Variants in LMBR1L observed in about 807,000 individuals in gnomAD.
The protein encoded by LMBR1L is limb development membrane protein 1 like.
In LMBR1L, 47 loss-of-function variants were observed where a neutral mutation model predicts 67.3. The observed-to-expected ratio is 0.70, with a 90% CI of 0.55 to 0.89. The LOEUF (loss-of-function observed/expected upper bound fraction) is 0.89, where lower values mean the gene tolerates loss of function less well. LMBR1L is among the 40% of genes least tolerant of loss of function. The pLI is 0.00. For missense variants in LMBR1L, 533 were observed against 599.2 expected (o/e 0.89, Z 1.15); for synonymous variants, 247 against 250.3 (o/e 0.99, Z 0.13).
At chr12:49,104,982 G>C (rs1229485320) in intron 3 of LMBR1L, 97 bp from the exon 4 acceptor site, 2 of 1,340,076 alleles carry the variant, frequency 1.5e-6, no homozygotes, top group Non-Finnish European at 2.1e-6. Context: ...GTGGCTTCCA[G>C]AACCAGCTGT....
At chr12:49,108,484 C>T (rs534986428) in intron 1 of LMBR1L, among the ~76,000 whole-genome samples, 21 of 149,136 alleles carry the variant, frequency 1.4e-4, no homozygotes, top group African/African-American at 5.2e-4. Flanking sequence ...ATTGCTTGAA[C>T]CCGGGAGGCG....
intron 15 of LMBR1L, among the ~76,000 whole-genome samples, chr12:49,099,410 A>G (rs913146434): frequency 2.0e-5 from 3 of 152,056 alleles, no homozygotes; most frequent in Admixed American, 6.6e-5. Context: ...TTGGCCTCCC[A>G]AAGTGTGAGA....
At chr12:49,105,003 G>A (rs967519959) in intron 3 of LMBR1L, 118 bp from the exon 4 acceptor site, 2 of 1,160,542 alleles carry the variant, frequency 1.7e-6, no homozygotes, top group Non-Finnish European at 2.4e-6. Context: ...AGCAATCACA[G>A]AGCTAAGGAA....
rs1941445866 is a variant in LMBR1L, at chr12:49,110,641, A to T, written c.-86T>A. On this transcript the variant is annotated 5_prime_UTR_variant, in exon 1 of 17. Transcript: ENST00000267102. ...GAAGCCGCCGCCGCCAAGCACCCAG[A>T]CCCAGCCTAGGGGCCTTTCCTCGCA... The T allele has an allele frequency of 1.6e-6, 2 of 1,222,728 alleles. No individual in the cohort carries two copies. The highest frequency in any genetic ancestry group is 3.0e-5 in the African/African-American group (2 of 67,222). The allele number at this position is 1,222,728 out of a possible 1,614,324, so 75.7% of individuals were successfully genotyped here. A position where few individuals can be genotyped will look rare whatever the true frequency, so the allele number is the denominator to read the frequency against.
intron 15 of LMBR1L, among the ~76,000 whole-genome samples, chr12:49,099,963 T>C (rs1267292017): frequency 6.6e-6 from 1 of 152,150 alleles, no homozygotes; most frequent in Admixed American, 6.5e-5. Flanking sequence ...GACACACCAG[T>C]GTATAGAGAA....
In LMBR1L at chr12:49,104,544, C is replaced by T; in HGVS notation, c.339G>A (p.Trp113Ter). ...WLNGSLIHGL[W>*]NLVFLFSNLS... The stretch of plus-strand genomic sequence containing the variant: ...GGTTGGAGAAGAGAAAAACAAGGTT[C>T]CAGAGGCCTAGAGCAAAAAAGGAAG... Residue 113 changes from tryptophan to a stop codon, truncating the protein, a stop_gained, in exon 5 of 17, where the codon TGG becomes TGA. Transcript: ENST00000267102. LOFTEE classifies it high-confidence loss of function. The T allele has an allele frequency of 6.2e-7, 1 of 1,613,466 alleles. No homozygotes were observed. Among genetic ancestry groups the T allele is most frequent in the Non-Finnish European group, 8.5e-7 (1 of 1,179,482 alleles).
intron 3 of LMBR1L, among the ~76,000 whole-genome samples, chr12:49,105,495 A>G (rs1375770984): frequency 6.6e-6 from 1 of 152,166 alleles, no homozygotes; most frequent in Non-Finnish European, 1.5e-5. Context: ...CTTTTTCTGT[A>G]TGTACCAGTG....
chr12:49,104,694 T>C, intron 4 of LMBR1L, 52 bp downstream of exon 4: 1 of 1,609,204 alleles, frequency 6.2e-7, no homozygotes, highest in Non-Finnish European at 8.5e-7. Flanking sequence ...CCCAACTCTA[T>C]CTGCTCTCTG....
Position 49,097,416 on chromosome 12 carries a change from C to A in LMBR1L, c.*256G>T. On this transcript the variant is annotated 3_prime_UTR_variant, in exon 17 of 17. Transcript: ENST00000267102. ...GCAGTGAGGCAGATTGATGTGTAAA[C>A]AGATTTGGGATCAGGGGCTAGACCC... The A allele has an allele frequency of 3.9e-6, 2 of 517,096 alleles. No homozygotes were observed. Among genetic ancestry groups the A allele is most frequent in the Non-Finnish European group, 7.0e-6 (2 of 284,158 alleles). The allele number at this position is 517,096 out of a possible 1,614,324, so 32.0% of individuals were successfully genotyped here. A position where few individuals can be genotyped will look rare whatever the true frequency, so the allele number is the denominator to read the frequency against.
chr12:49,103,291 G>A, intron 6 of LMBR1L, 132 bp from the exon 7 acceptor site: 1 of 756,160 alleles, frequency 1.3e-6, no homozygotes, highest in African/African-American at 1.8e-5. Flanking sequence ...GAAGAAAGCT[G>A]GCCAGCATTA....
At chr12:49,100,881 C>T in intron 13 of LMBR1L, 3 of 565,528 alleles carry the variant, frequency 5.3e-6, no homozygotes, top group South Asian at 4.3e-5. Context: ...GCACGCACCA[C>T]CACGTCTGGC....
At chr12:49,109,562 A>T (rs1231725567) in intron 1 of LMBR1L, among the ~76,000 whole-genome samples, 1 of 152,166 alleles carries the variant, frequency 6.6e-6, no homozygotes, top group Non-Finnish European at 1.5e-5. Flanking sequence ...ACACTTACTA[A>T]CATTTCTTTC....
chr12:49,100,198 T>C (rs1255864979), intron 15 of LMBR1L, among the ~76,000 whole-genome samples, 190 bp downstream of exon 15: 1 of 152,258 alleles, frequency 6.6e-6, no homozygotes, highest in Non-Finnish European at 1.5e-5. Flanking sequence ...GTAAAAAGTA[T>C]GTACTTTGAC....
intron 13 of LMBR1L, 70 bp from the exon 14 acceptor site, chr12:49,100,716 C>G (rs1940052909): frequency 8.7e-7 from 1 of 1,146,146 alleles, no homozygotes; most frequent in Admixed American, 2.4e-5. Context: ...GAACAGAGCT[C>G]TCTCCCAGCC....
chr12:49,101,383 A>G, intron 12 of LMBR1L, 60 bp from the exon 13 acceptor site: 1 of 1,605,664 alleles, frequency 6.2e-7, no homozygotes. Flanking sequence ...CCCGGCACCC[A>G]GCCTTCCCAC....
intron 13 of LMBR1L, 91 bp downstream of exon 13, chr12:49,101,159 C>T (rs776847093): frequency 6.2e-7 from 1 of 1,612,026 alleles, no homozygotes; most frequent in Non-Finnish European, 8.5e-7. Context: ...CTCAGAGTCC[C>T]AAAGGAGACA....
rs778199407 is a variant in LMBR1L at position 49,097,924 on chromosome 12, G to C, written c.1402+20C>G. 1 of 1,604,488 alleles carries C rather than the reference G, an allele frequency of 6.2e-7. No individual in the cohort carries two copies. Reference sequence around the variant, plus strand: ...GATGATTACCACCCCCCACTAGCCTGCACCCTCACTCCCTCTCACCAAAGG... The same window carrying C: ...GATGATTACCACCCCCCACTAGCCTCCACCCTCACTCCCTCTCACCAAAGG... On this transcript the variant is annotated intron_variant, in intron 16 of 16. Coordinates refer to ENST00000267102, the MANE Select transcript of LMBR1L (RefSeq NM_018113.4).
rs907883976 is a variant in LMBR1L, at chr12:49,100,419, G to C, written c.1209C>G (p.Ser403Arg). ...TTCGAGAGAAGACAGGAAGTGCTGA[G>C]CTTAGGACCAGGAGACAGACACAGT... ...IGNCVCLLVL[S>R]SALPVFSRTL... The change falls in exon 15 of 17, where the codon AGC becomes AGG. Residue 403 changes from serine (S) to arginine (R), a missense_variant. This residue lies in a region of LMBR1L where 223 missense variants were observed against 241.2 expected (regional missense o/e 0.92). Transcript: ENST00000267102. 3.1e-6 allele frequency: 5 copies of C among 1,613,858 alleles called. No individual in the cohort carries two copies. The Admixed American group carries it at 6.7e-5, about 22-fold the overall frequency.
intron 12 of LMBR1L, 38 bp downstream of exon 12, chr12:49,101,434 C>T (rs1389184925): frequency 6.2e-7 from 1 of 1,610,676 alleles, no homozygotes; most frequent in Non-Finnish European, 8.5e-7. Context: ...TGTTCTTAGG[C>T]CCTCCCCAAA....
Sources: allele counts gnomAD v4.1 joint callset (sites outside exome capture counted in the v4.1 genomes callset), GRCh38; gene constraint gnomAD v4.1.1; regional missense constraint gnomAD v4.1.1; transcripts MANE v1.5; gene names NCBI Gene and HGNC (gene_info 2026-07-23, HGNC 2026-07-21).